Variants in TXNDC12 observed in about 807,000 individuals in gnomAD.
TXNDC12 encodes thioredoxin domain-containing protein 12.
A neutral mutation model predicts 24.2 loss-of-function variants in TXNDC12; 22 were observed. That is an observed-to-expected ratio of 0.91 (90% confidence interval 0.65 to 1.30). TXNDC12 has a LOEUF of 1.30. Ranked by LOEUF, TXNDC12 falls within the 50% of genes most tolerant of loss-of-function variation. The pLI, the probability that TXNDC12 is intolerant of heterozygous loss-of-function variation, is 0.00. For missense variants in TXNDC12, 184 were observed against 205.8 expected (o/e 0.89, Z 0.65); for synonymous variants, 58 against 73.4 (o/e 0.79, Z 1.07).
chr1:52,028,267 A>G (rs1204711963), intron 3 of TXNDC12, among the ~76,000 whole-genome samples: 1 of 152,106 alleles, frequency 6.6e-6, no homozygotes, highest in Non-Finnish European at 1.5e-5. Flanking sequence ...TTGGGTTCTA[A>G]TTTGGGTCCT....
At chr1:52,055,272 G>A (rs369525949), upstream of TXNDC12, 7 of 587,076 alleles carry the variant, frequency 1.2e-5, no homozygotes, top group East Asian at 1.2e-4. Context: ...TCCGGGGTCC[G>A]GTTTGGGATG....
At chr1:52,034,654 G>A (rs1006538577) in intron 2 of TXNDC12, among the ~76,000 whole-genome samples, 3 of 151,966 alleles carry the variant, frequency 2.0e-5, no homozygotes, top group Non-Finnish European at 4.4e-5. Context: ...ATGTTGCTAA[G>A]GCTGGTCTCA....
chr1:52,030,610 C>T (rs543111259), intron 2 of TXNDC12: 9 of 152,320 alleles, frequency 5.9e-5, no homozygotes, highest in African/African-American at 1.7e-4. Flanking sequence ...TACCATCAAC[C>T]AAGGCAGCCC....
chr1:52,031,627 G>T (rs1361729869), intron 2 of TXNDC12, among the ~76,000 whole-genome samples: 1 of 152,030 alleles, frequency 6.6e-6, no homozygotes, highest in Non-Finnish European at 1.5e-5. Context: ...AGAGTAGCTG[G>T]GATTACAGGC....
intron 2 of TXNDC12, among the ~76,000 whole-genome samples, chr1:52,034,907 G>T (rs1393784084): frequency 6.6e-6 from 1 of 152,038 alleles, no homozygotes; most frequent in Non-Finnish European, 1.5e-5. Context: ...GGGACTATGG[G>T]TGTGCGCCAC....
At chr1:52,055,935 A>G (rs1686335615), upstream of TXNDC12, 1 of 152,226 alleles carries the variant, frequency 6.6e-6, no homozygotes, top group Non-Finnish European at 1.5e-5. Context: ...CCTTCGCTGT[A>G]TAACAAACAG....
chr1:52,037,849 T>G (rs938884566), intron 2 of TXNDC12, among the ~76,000 whole-genome samples: 4 of 151,800 alleles, frequency 2.6e-5, no homozygotes, highest in East Asian at 1.9e-4. Flanking sequence ...AAGTGCTGGG[T>G]TTTTTTGCAC....
chr1:52,046,862 AAAAAATATAT>A (rs1557998298), intron 1 of TXNDC12, among the ~76,000 whole-genome samples: 2 of 109,766 alleles, frequency 1.8e-5, no homozygotes, highest in Non-Finnish European at 3.5e-5. Flanking sequence ...CTAAAAAAAA[AAAAAATATAT>A]ATATATATAT....
At chr1:52,044,055 ACATGAT>A (rs1295345572) in intron 1 of TXNDC12, 2 of 152,224 alleles carry the variant, frequency 1.3e-5, no homozygotes. Context: ...AAGGTGTCTA[ACATGAT>A]CACCATCACT....
intron 1 of TXNDC12, among the ~76,000 whole-genome samples, chr1:52,044,644 G>A (rs1486512226): frequency 6.6e-6 from 1 of 152,168 alleles, no homozygotes; most frequent in African/African-American, 2.4e-5. Flanking sequence ...AATAACACAT[G>A]GAATCACAAA....
At chr1:52,039,620 C>T (rs937899045) in intron 2 of TXNDC12, among the ~76,000 whole-genome samples, 4 of 152,148 alleles carry the variant, frequency 2.6e-5, no homozygotes, top group African/African-American at 9.7e-5. Flanking sequence ...TGTGAGCCAC[C>T]GCGCCCAGCT....
At chr1:52,026,801 T>G (rs889604255) in intron 4 of TXNDC12, among the ~76,000 whole-genome samples, 4 of 152,090 alleles carry the variant, frequency 2.6e-5, no homozygotes, top group Admixed American at 6.6e-5. Flanking sequence ...TTTGGGAGGC[T>G]AAGGTGGGTA....
rs549023994 is a variant in TXNDC12, at chr1:52,038,934, T to TA, written c.158+2602dup. On this transcript the variant is annotated intron_variant, in intron 2 of 6. Coordinates refer to ENST00000371626, the MANE Select transcript of TXNDC12 (RefSeq NM_015913.4). ...TTTTTTTTTTTACGCAATTGGTCCT[T>TA]ACGCTGGATTTATCTTTAAAAAAAT... Among the ~76,000 whole-genome samples, 179 of 146,716 alleles carry TA rather than the reference T, an allele frequency of 1.2e-3. 1 individual carries two copies. The highest frequency in any genetic ancestry group is 4.4e-3 in the African/African-American group (178 of 40,026).
At chr1:52,041,641 G>A (rs1371596974) in intron 1 of TXNDC12, 44 bp from the exon 2 acceptor site, 8 of 1,341,240 alleles carry the variant, frequency 6.0e-6, no homozygotes, top group Non-Finnish European at 8.5e-6. Flanking sequence ...ATGAACAAAG[G>A]GCACAGTCCC....
At chr1:52,047,599 T>A (rs1686122242) in intron 1 of TXNDC12, among the ~76,000 whole-genome samples, 1 of 152,006 alleles carries the variant, frequency 6.6e-6, no homozygotes, top group Non-Finnish European at 1.5e-5. Flanking sequence ...TTTGTAGAGT[T>A]AAAAAAGAAA....
intron 1 of TXNDC12, among the ~76,000 whole-genome samples, chr1:52,048,469 T>C (rs1387521005): frequency 6.7e-6 from 1 of 148,934 alleles, no homozygotes; most frequent in South Asian, 2.1e-4. Context: ...CTGTTTCTTT[T>C]CTTTAAAAAA....
At chr1:52,032,888 C>A (rs374293715) in intron 2 of TXNDC12, 2 of 1,613,222 alleles carry the variant, frequency 1.2e-6, no homozygotes, top group Non-Finnish European at 1.7e-6. Flanking sequence ...CCGGGGACAG[C>A]GCTCTTCTGC....
chr1:52,033,757 G>T (rs759277755), intron 2 of TXNDC12: 3 of 1,595,920 alleles, frequency 1.9e-6, no homozygotes, highest in South Asian at 1.1e-5. Context: ...CACCACGAGC[G>T]GCATCCTCTC....
chr1:52,032,951 G>A (rs374476013), intron 2 of TXNDC12: 2 of 1,590,632 alleles, frequency 1.3e-6, no homozygotes, highest in Non-Finnish European at 1.7e-6. Flanking sequence ...AACTGGTGCA[G>A]AAAGCTGCCG....
Sources: allele counts gnomAD v4.1 joint callset (sites outside exome capture counted in the v4.1 genomes callset), GRCh38; gene constraint gnomAD v4.1.1; transcripts MANE v1.5; gene names NCBI Gene and HGNC (gene_info 2026-07-23, HGNC 2026-07-21).